Variants in CADPS observed in about 807,000 individuals in gnomAD.
CADPS encodes calcium-dependent secretion activator 1.
Under a neutral mutation model 167.3 loss-of-function variants are expected in CADPS, and 57 were observed. The observed-to-expected ratio is 0.34, with a 90% CI of 0.28 to 0.42. The LOEUF is 0.42. CADPS is among the 20% of genes least tolerant of loss of function. CADPS has a pLI of 1.00. For missense variants in CADPS, 1,414 were observed against 1,738.1 expected (o/e 0.81, Z 3.32); for synonymous variants, 676 against 635.3 (o/e 1.06, Z -0.96).
At chr3:62,466,507 C>A in intron 24 of CADPS, 94 bp from the exon 25 acceptor site, 2 of 806,576 alleles carry the variant, frequency 2.5e-6, no homozygotes, top group Non-Finnish European at 4.2e-6. Flanking sequence ...ATAAATAAAG[C>A]CTGGCCTGCG....
intron 6 of CADPS, among the ~76,000 whole-genome samples, chr3:62,630,079 T>G (rs1194812983): frequency 6.6e-6 from 1 of 152,170 alleles, no homozygotes; most frequent in Non-Finnish European, 1.5e-5. Context: ...CTCCACCCAC[T>G]AGAATATAGG....
intron 1 of CADPS, among the ~76,000 whole-genome samples, chr3:62,841,299 C>T (rs892747481): frequency 6.6e-5 from 10 of 152,204 alleles, no homozygotes; most frequent in Non-Finnish European, 1.2e-4. Context: ...ATATTCCTCA[C>T]AGTGATATGT....
intron 1 of CADPS, among the ~76,000 whole-genome samples, chr3:62,795,456 A>C (rs1383289714): frequency 6.6e-6 from 1 of 152,142 alleles, no homozygotes; most frequent in Non-Finnish European, 1.5e-5. Flanking sequence ...GACACTCAAT[A>C]AACATTAAAT....
chr3:62,422,816 G>T (rs1435504789), intron 28 of CADPS, among the ~76,000 whole-genome samples: 1 of 152,138 alleles, frequency 6.6e-6, no homozygotes, highest in Non-Finnish European at 1.5e-5. Context: ...AGCTATGTAG[G>T]TAGGTTAAAA....
intron 1 of CADPS, among the ~76,000 whole-genome samples, chr3:62,835,490 G>T (rs969633945): frequency 1.3e-5 from 2 of 152,184 alleles, no homozygotes; most frequent in Admixed American, 6.5e-5. Flanking sequence ...GCCTGTGATT[G>T]GGTGTGCTTA....
chr3:62,829,882 C>G (rs908253512), intron 1 of CADPS, among the ~76,000 whole-genome samples: 2 of 152,106 alleles, frequency 1.3e-5, no homozygotes, highest in Non-Finnish European at 2.9e-5. Flanking sequence ...GCTGCATTTC[C>G]ACCTCCTACT....
rs1553906125 is a variant in CADPS at position 62,547,589 on chromosome 3, C to CG, written c.1966+2313_1966+2314insC. On this transcript the variant is annotated intron_variant, in intron 11 of 29. Transcript: ENST00000383710. Reference sequence around the variant, plus strand: ...CCCTAGGGATGATATCATTTACGCCCCCCCCCCCCCGCAAATTCTAACTCT... The same window carrying CG: ...CCCTAGGGATGATATCATTTACGCCCGCCCCCCCCCCGCAAATTCTAACTCT... 4.6e-5 allele frequency among the ~76,000 whole-genome samples: 4 copies of CG among 86,192 alleles called. 1 individual carries two copies. Among genetic ancestry groups the CG allele is most frequent in the South Asian group, 1.0e-3 (2 of 1,930 alleles). 56.5% of individuals were successfully genotyped at this position (86,192 alleles called of 152,430 possible).
intron 3 of CADPS, among the ~76,000 whole-genome samples, chr3:62,684,444 A>T (rs1435704987): frequency 2.0e-5 from 3 of 151,990 alleles, no homozygotes; most frequent in African/African-American, 7.3e-5. Context: ...TCAAACAAGG[A>T]GCCCTGGCTC....
intron 18 of CADPS, among the ~76,000 whole-genome samples, chr3:62,494,843 A>T (rs1460612109): frequency 6.6e-6 from 1 of 151,586 alleles, no homozygotes; most frequent in African/African-American, 2.4e-5. Flanking sequence ...TTGTATTTTC[A>T]GTAGAGACGG....
intron 1 of CADPS, among the ~76,000 whole-genome samples, chr3:62,766,552 G>A (rs1356007651): frequency 4.6e-5 from 7 of 152,182 alleles, no homozygotes; most frequent in African/African-American, 1.4e-4. Context: ...ATGACCATAT[G>A]CAGGGGTTTT....
At chr3:62,864,311 T>C (rs907047870) in intron 1 of CADPS, among the ~76,000 whole-genome samples, 2 of 152,164 alleles carry the variant, frequency 1.3e-5, no homozygotes, top group African/African-American at 4.8e-5. Flanking sequence ...AGTGTAGAGA[T>C]GTTAGTAGCT....
chr3:62,823,585 C>A (rs779838386), intron 1 of CADPS, among the ~76,000 whole-genome samples: 1 of 152,130 alleles, frequency 6.6e-6, no homozygotes, highest in African/African-American at 2.4e-5. Context: ...AAGATCAATG[C>A]GTATCTCCAG....
At chr3:62,653,392 G>A (rs13326396) in intron 4 of CADPS, among the ~76,000 whole-genome samples, 2,762 of 152,216 alleles carry the variant, frequency 0.018, 75 homozygotes, top group African/African-American at 0.062. Context: ...ATCAGACACT[G>A]AATCTGATGG....
rs145840476 is a variant in CADPS, at chr3:62,618,918, C to CA, written c.1326-26171dup. On this transcript the variant is annotated intron_variant, in intron 6 of 29. Coordinates refer to ENST00000383710, the MANE Select transcript of CADPS (RefSeq NM_003716.4). ...AAGATCCCTGCTCTCACAGAGCTAA[C>CA]AGTCTGGATTGTTGTATAATAATCT... 6.6e-4 allele frequency among the ~76,000 whole-genome samples: 101 copies of CA among 152,320 alleles called. 1 individual carries two copies. In the East Asian group the frequency reaches 0.018, roughly 27 times the overall value.
chr3:62,726,176 A>T (rs990339774), intron 3 of CADPS, among the ~76,000 whole-genome samples: 1 of 151,946 alleles, frequency 6.6e-6, no homozygotes, highest in South Asian at 2.1e-4. Flanking sequence ...GGATGGAGGG[A>T]TGAGTAGCCT....
chr3:62,701,914 T>C (rs1345407527), intron 3 of CADPS, among the ~76,000 whole-genome samples: 3 of 152,182 alleles, frequency 2.0e-5, no homozygotes, highest in African/African-American at 7.2e-5. Flanking sequence ...TGCTTTTCCT[T>C]TTATTCCTAA....
intron 7 of CADPS, among the ~76,000 whole-genome samples, chr3:62,588,236 G>T (rs1396536654): frequency 1.3e-5 from 2 of 150,728 alleles, no homozygotes. Context: ...AAGAATCCCT[G>T]TCCCTGAGAC....
intron 9 of CADPS, among the ~76,000 whole-genome samples, chr3:62,564,778 T>C (rs2079830641): frequency 6.6e-6 from 1 of 151,972 alleles, no homozygotes; most frequent in African/African-American, 2.4e-5. Flanking sequence ...AGGTAATTTT[T>C]GTATTTTTAG....
intron 26 of CADPS, among the ~76,000 whole-genome samples, chr3:62,452,391 T>C (rs768876977): frequency 6.6e-6 from 1 of 152,196 alleles, no homozygotes; most frequent in South Asian, 2.1e-4. Flanking sequence ...CTAGTCGCAG[T>C]TGAGAGTACT....
Sources: allele counts gnomAD v4.1 joint callset (sites outside exome capture counted in the v4.1 genomes callset), GRCh38; gene constraint gnomAD v4.1.1; transcripts MANE v1.5; gene names NCBI Gene and HGNC (gene_info 2026-07-23, HGNC 2026-07-21).